Variants in HDAC4 observed in about 807,000 individuals in gnomAD.
HDAC4 encodes the protein histone deacetylase A.
A neutral mutation model predicts 135.1 loss-of-function variants in HDAC4; 16 were observed. That is an observed-to-expected ratio of 0.12 (90% CI 0.08 to 0.18). The LOEUF (loss-of-function observed/expected upper bound fraction) is 0.18, where lower values mean the gene tolerates loss of function less well. HDAC4 is among the 10% of genes least tolerant of loss of function. HDAC4 has a pLI of 1.00. For synonymous variants in HDAC4, 685 were observed against 653.4 expected, an observed-to-expected ratio of 1.05 and a Z score of -0.74; for missense variants, 1,143 against 1,511.8, an observed-to-expected ratio of 0.76 and a Z score of 4.05.
intron 5 of HDAC4, among the ~76,000 whole-genome samples, chr2:239,174,365 G>T (rs2043626526): frequency 6.6e-6 from 1 of 151,246 alleles, no homozygotes; most frequent in African/African-American, 2.4e-5. Flanking sequence ...GCAAGAGACT[G>T]GAACAAGCAC....
chr2:239,063,021 C>T (rs2032983268), intron 24 of HDAC4, among the ~76,000 whole-genome samples: 2 of 152,096 alleles, frequency 1.3e-5, no homozygotes, highest in Non-Finnish European at 2.9e-5. Context: ...CTGACCTTGG[C>T]CATTGCCTGC....
intron 2 of HDAC4, among the ~76,000 whole-genome samples, chr2:239,343,676 G>GCTGCCCTGC (rs368184445): frequency 5.3e-5 from 8 of 152,250 alleles, no homozygotes; most frequent in South Asian, 4.1e-4. Flanking sequence ...CAGAGTGCCT[G>GCTGCCCTGC]CTGCCCTGCC....
chr2:239,087,925 G>C (rs1351164492), intron 18 of HDAC4, among the ~76,000 whole-genome samples: 1 of 152,210 alleles, frequency 6.6e-6, no homozygotes, highest in Non-Finnish European at 1.5e-5. Context: ...TGGCTCAGGG[G>C]TCGGGGTGAT....
rs932628259 is a variant in HDAC4, at chr2:239,051,306, T to A, written c.*1791A>T. The A allele has an allele frequency of 6.6e-6, 1 of 152,260 alleles. No individual in the cohort carries two copies. The highest frequency in any genetic ancestry group is 1.5e-5 in the Non-Finnish European group (1 of 68,026). The allele number at this position is 152,260 out of a possible 1,614,324, so 9.4% of individuals were successfully genotyped here. On this transcript the variant is annotated 3_prime_UTR_variant, in exon 27 of 27. Transcript: ENST00000543185. ...TCGTTGGTGTCACTCCGAAAAGACCTACGGTCCCTCCTCTCACTTTCTGAA... is the reference window on the plus strand; with the variant it reads ...TCGTTGGTGTCACTCCGAAAAGACCAACGGTCCCTCCTCTCACTTTCTGAA...
Position 239,306,402 on chromosome 2 carries a change from C to T in HDAC4, c.22+46276G>A, listed in dbSNP as rs2052585378. On this transcript the variant is annotated intron_variant, in intron 2 of 26. Coordinates refer to ENST00000543185, the MANE Select transcript of HDAC4 (RefSeq NM_001378414.1). This position sits in a 1 kb window ranked among gnomAD's most constrained non-coding sequence, Gnocchi z 4.5. ...CACGAGGACCTCAGAGGCCACCTGGCCAGGCCCCATCCACGGATGTGTCCC... is the reference window on the plus strand; with the variant it reads ...CACGAGGACCTCAGAGGCCACCTGGTCAGGCCCCATCCACGGATGTGTCCC... Among the ~76,000 whole-genome samples, 1 of 152,156 alleles carries T rather than the reference C, an allele frequency of 6.6e-6. No individual in the cohort carries two copies. Among genetic ancestry groups the T allele is most frequent in the African/African-American group, 2.4e-5 (1 of 41,430 alleles).
At chr2:239,092,815 G>A (rs1041492917) in intron 17 of HDAC4, among the ~76,000 whole-genome samples, 3 of 152,214 alleles carry the variant, frequency 2.0e-5, no homozygotes, top group African/African-American at 7.2e-5. Context: ...TGCTAATGCA[G>A]GAAGGAGCAA....
In HDAC4 at chr2:239,306,801, C is replaced by A. The variant is rs980527585; in HGVS notation, c.22+45877G>T. On this transcript the variant is annotated intron_variant, in intron 2 of 26. Transcript: ENST00000543185. The surrounding 1 kb of genome is among the most constrained non-coding windows in gnomAD (Gnocchi z 4.5). ...CCCACCCCAGCCAACAACCGGGAGA[C>A]CCTGGCCTGGTTTCCCACACACCCC... is the stretch of plus-strand genomic sequence containing the variant. Among the ~76,000 whole-genome samples the A allele has an allele frequency of 6.6e-6, 1 of 152,106 alleles. No individual in the cohort carries two copies. The highest frequency in any genetic ancestry group is 1.5e-5 in the Non-Finnish European group (1 of 68,006).
chr2:239,065,577 C>T (rs1178633508), intron 24 of HDAC4, among the ~76,000 whole-genome samples: 1 of 152,202 alleles, frequency 6.6e-6, no homozygotes, highest in African/African-American at 2.4e-5. Flanking sequence ...CACTAAAGTG[C>T]CCTGTCACCC....
At chr2:239,082,844 C>T (rs2035481662) in intron 20 of HDAC4, among the ~76,000 whole-genome samples, 1 of 152,244 alleles carries the variant, frequency 6.6e-6, no homozygotes, top group African/African-American at 2.4e-5. Context: ...TGGGGCTTTA[C>T]TGACCGTGGC....
chr2:239,236,577 G>T lies in HDAC4; in HGVS notation c.94+16C>A. ...GCGCAGGGCCGGCCGGACAGGGCAG[G>T]GGTGGGCGGACTTACCCGTGCTGGG... On this transcript the variant is annotated intron_variant, in intron 3 of 26. Transcript: ENST00000543185. 6.5e-7 allele frequency: 1 copy of T among 1,549,172 alleles called. No individual in the cohort carries two copies. The highest frequency in any genetic ancestry group is 8.7e-7 in the Non-Finnish European group (1 of 1,144,666).
At chr2:239,194,480 A>G (rs1305489522) in intron 3 of HDAC4, among the ~76,000 whole-genome samples, 1 of 152,186 alleles carries the variant, frequency 6.6e-6, no homozygotes, top group East Asian at 1.9e-4. Flanking sequence ...CCCGCCTCAC[A>G]GGCACACAGC....
rs370297454 is a variant in HDAC4, at chr2:239,139,632, G to A, written c.978+52C>T. 1.7e-4 allele frequency: 256 copies of A among 1,501,092 alleles called. No individual in the cohort carries two copies. Among genetic ancestry groups the A allele is most frequent in the Non-Finnish European group, 2.0e-4 (216 of 1,077,152 alleles). The allele number at this position is 1,501,092 out of a possible 1,614,324, so 93.0% of individuals were successfully genotyped here. ...AAGTGGGGTCATTTCAAGCTCATCC[G>A]TCCCGAGTCCGACTCTAGCCGTAGG... On this transcript the variant is annotated intron_variant, in intron 9 of 26. Coordinates refer to ENST00000543185, the MANE Select transcript of HDAC4 (RefSeq NM_001378414.1). This position sits in a 1 kb window ranked among gnomAD's most constrained non-coding sequence, Gnocchi z 5.3.
At chr2:239,284,668 G>A (rs1239319686) in intron 2 of HDAC4, among the ~76,000 whole-genome samples, 1 of 152,164 alleles carries the variant, frequency 6.6e-6, no homozygotes, top group African/African-American at 2.4e-5. Context: ...TAGGGACTGG[G>A]TGGGAGGTGG....
intron 2 of HDAC4, among the ~76,000 whole-genome samples, chr2:239,334,307 G>A (rs758679646): frequency 2.0e-5 from 3 of 151,640 alleles, no homozygotes; most frequent in Non-Finnish European, 2.9e-5. Context: ...ATTGCTTGAG[G>A]TCAGGAGTTC....
chr2:239,098,605 C>G (rs1221365818), intron 16 of HDAC4, among the ~76,000 whole-genome samples: 1 of 152,248 alleles, frequency 6.6e-6, no homozygotes, highest in Non-Finnish European at 1.5e-5. Context: ...GCCCACGAGC[C>G]AATTCAGCCA....
chr2:239,245,863 C>T lies in HDAC4; in HGVS notation c.23-9199G>A, dbSNP rs2048430262. 6.6e-6 allele frequency among the ~76,000 whole-genome samples: 1 copy of T among 152,202 alleles called. No individual in the cohort carries two copies. Among genetic ancestry groups the T allele is most frequent in the African/African-American group, 2.4e-5 (1 of 41,468 alleles). On this transcript the variant is annotated intron_variant, in intron 2 of 26. Transcript: ENST00000543185. This position sits in a 1 kb window ranked among gnomAD's most constrained non-coding sequence, Gnocchi z 4.4. Reference sequence around the variant, plus strand: ...AATATCCCAACAGTCTTCAGTTCATCCCCAGCCCCTATGTGTTCAAGCAGA... The same window carrying T: ...AATATCCCAACAGTCTTCAGTTCATTCCCAGCCCCTATGTGTTCAAGCAGA...
At chr2:239,157,602 T>A (rs1309014245) in intron 6 of HDAC4, among the ~76,000 whole-genome samples, 1 of 152,220 alleles carries the variant, frequency 6.6e-6, no homozygotes, top group Non-Finnish European at 1.5e-5. Flanking sequence ...GACAGCTCAG[T>A]CTTGCTCAAA....
At chr2:239,077,769 G>A (rs1202020558) in intron 22 of HDAC4, among the ~76,000 whole-genome samples, 2 of 152,180 alleles carry the variant, frequency 1.3e-5, no homozygotes, top group African/African-American at 4.8e-5. Flanking sequence ...ATCAGGCGCT[G>A]CGACTCCTAA....
At chr2:239,217,283 G>A (rs946215468) in intron 3 of HDAC4, among the ~76,000 whole-genome samples, 2 of 152,136 alleles carry the variant, frequency 1.3e-5, no homozygotes, top group Admixed American at 1.3e-4. Context: ...ATAATCAAGC[G>A]ACCAGATCTT....
Sources: allele counts gnomAD v4.1 joint callset (sites outside exome capture counted in the v4.1 genomes callset), GRCh38; gene constraint gnomAD v4.1.1; non-coding constraint Gnocchi (gnomAD v3.1); transcripts MANE v1.5; gene names NCBI Gene and HGNC (gene_info 2026-07-23, HGNC 2026-07-21).